The following MXRA7 variants were observed in gnomAD, a reference collection of about 807,000 sequenced individuals.
The protein encoded by MXRA7 is matrix-remodeling-associated protein 7.
MXRA7 carries 18 observed loss-of-function variants against 17.4 expected under a neutral mutation model. That is an observed-to-expected ratio of 1.03 (90% CI 0.71 to 1.53). The LOEUF is 1.53. MXRA7 is among the 40% of genes most tolerant of loss of function. The probability of loss-of-function intolerance (pLI) is 0.00; values close to 1 mark genes in which losing one functional copy is unlikely to be tolerated. For missense variants in MXRA7, 141 were observed against 209.3 expected (o/e 0.67, Z 2.01); for synonymous variants, 70 against 101.7 (o/e 0.69, Z 1.87).
At chr17:76,706,259 A>G (rs2076656143) in intron 1 of MXRA7, among the ~76,000 whole-genome samples, 1 of 130,072 alleles carries the variant, frequency 7.7e-6, no homozygotes, top group African/African-American at 2.8e-5. Flanking sequence ...CTGCCATCAC[A>G]GAGGCCCACG....
At chr17:76,698,460 T>A (rs568037621) in intron 1 of MXRA7, among the ~76,000 whole-genome samples, 12 of 152,248 alleles carry the variant, frequency 7.9e-5, no homozygotes, top group African/African-American at 2.9e-4. Flanking sequence ...TGTTCCTCCA[T>A]ACCCGGCAAA....
intron 1 of MXRA7, among the ~76,000 whole-genome samples, chr17:76,698,847 C>T (rs1236549373): frequency 1.3e-5 from 2 of 150,878 alleles, no homozygotes; most frequent in African/African-American, 4.9e-5. Flanking sequence ...CTCAGCCTCC[C>T]GAGTAGCTGG....
Position 76,688,136 on chromosome 17 carries a change from G to A in MXRA7, c.383C>T (p.Ser128Leu), listed in dbSNP as rs368580327. Residue 128 changes from serine to leucine, a missense_variant, in exon 2 of 4, where the codon TCG (serine) becomes TTG (leucine). Ser to Leu is a moderately radical substitution (Grantham distance 145). Transcript: ENST00000449428. ...ACCGTCCTCCTCCTCAGGCCCTTCC[G>A]ATGATGGCCCCTTCTCACCATCCAA... ...QDLDGEKGPS[S>L]EGPEEEDGEG... 1.8e-5 allele frequency: 29 copies of A among 1,613,844 alleles called. No homozygotes were observed. The South Asian group carries it at 2.2e-4, about 12-fold the overall frequency.
intron 1 of MXRA7, among the ~76,000 whole-genome samples, chr17:76,704,228 C>A (rs2076628247): frequency 1.2e-5 from 1 of 81,100 alleles, no homozygotes; most frequent in Admixed American, 1.8e-4. Context: ...TTTTTTGAGA[C>A]GGAGTCTCAC....
intron 1 of MXRA7, among the ~76,000 whole-genome samples, chr17:76,709,241 T>C (rs549429212): frequency 4.6e-5 from 7 of 152,076 alleles, no homozygotes; most frequent in Non-Finnish European, 1.0e-4. Flanking sequence ...TCTAAAGGCC[T>C]CTCCTGCTCC....
chr17:76,682,121 C>A (rs1371308897), intron 3 of MXRA7, among the ~76,000 whole-genome samples: 1 of 152,214 alleles, frequency 6.6e-6, no homozygotes, highest in Non-Finnish European at 1.5e-5. Context: ...ACCACTTCAG[C>A]ATGTCGGGGA....
rs1040801249 is a variant in MXRA7, at chr17:76,710,811, G to A, written c.136C>T (p.Pro46Ser). ...EPARAPPEPA[P>S]PAEATGAPAP... is the part of the protein sequence containing the mutation. ...GGGGCCCCGGTGGCCTCGGCCGGGG[G>A]CGCGGGTTCCGGGGGCGCGCGGGCA... Residue 46 changes from proline (P) to serine (S), a missense_variant, in exon 1 of 4, where the codon CCC (proline) becomes TCC (serine). Physicochemically the swap from Pro to Ser is moderately conservative, Grantham distance 74 (BLOSUM62 -1). This residue lies in a region of MXRA7 where 72 missense variants were observed against 111.9 expected (regional missense o/e 0.64). Transcript: ENST00000449428. The A allele has an allele frequency of 1.1e-5, 10 of 946,862 alleles. No homozygotes were observed. The highest frequency in any genetic ancestry group is 6.2e-5 in the Admixed American group (1 of 16,186). The allele number at this position is 946,862 out of a possible 1,614,324, so 58.7% of individuals were successfully genotyped here. A position where few individuals can be genotyped will look rare whatever the true frequency, so the allele number is the denominator to read the frequency against.
intron 3 of MXRA7, among the ~76,000 whole-genome samples, chr17:76,682,275 T>G (rs1198709828): frequency 2.0e-5 from 3 of 152,090 alleles, no homozygotes; most frequent in Non-Finnish European, 2.9e-5. Flanking sequence ...CTAGTAAATT[T>G]AAAGTTAGGG....
At chr17:76,704,992 A>C in intron 1 of MXRA7, among the ~76,000 whole-genome samples, 1 of 152,114 alleles carries the variant, frequency 6.6e-6, no homozygotes, top group East Asian at 1.9e-4. Flanking sequence ...CAGAGGCCCA[A>C]GCTGGTCTCC....
intron 1 of MXRA7, chr17:76,690,187 T>C (rs753641931): frequency 6.6e-6 from 1 of 152,084 alleles, no homozygotes; most frequent in Non-Finnish European, 1.5e-5. Context: ...AAAGGTTTGT[T>C]TTTTGGAAGG....
chr17:76,690,749 C>T (rs567837496), intron 1 of MXRA7, among the ~76,000 whole-genome samples: 67 of 152,100 alleles, frequency 4.4e-4, no homozygotes, highest in African/African-American at 1.6e-3. Flanking sequence ...GCTCTGTTGC[C>T]CAGACTGGAG....
intron 1 of MXRA7, among the ~76,000 whole-genome samples, 182 bp downstream of exon 1, chr17:76,710,423 G>C (rs1464627354): frequency 6.6e-6 from 1 of 152,198 alleles, no homozygotes; most frequent in African/African-American, 2.4e-5. Flanking sequence ...GGAGGGCGGC[G>C]AGTTTGCGGG....
intron 1 of MXRA7, among the ~76,000 whole-genome samples, chr17:76,708,400 G>T (rs2076684943): frequency 6.6e-6 from 1 of 152,156 alleles, no homozygotes; most frequent in African/African-American, 2.4e-5. Context: ...CGCTGTTGGT[G>T]GGGTTCGCTT....
At position 76,705,847 on chromosome 17, in the gene MXRA7, T is replaced by G. The variant is rs186145872; in HGVS notation, c.342+4758A>C. 6.6e-3 allele frequency among the ~76,000 whole-genome samples: 998 copies of G among 152,348 alleles called. 12 individuals are homozygous for G. The highest frequency in any genetic ancestry group is 0.022 in the African/African-American group (917 of 41,576). On this transcript the variant is annotated intron_variant, in intron 1 of 3. Transcript: ENST00000449428. Reference sequence around the variant, plus strand: ...GTTTAAGCAACCCAGTCTGTGGTATTTTGATATATCAGCCTAAGCTGCTTA... The same window carrying G: ...GTTTAAGCAACCCAGTCTGTGGTATGTTGATATATCAGCCTAAGCTGCTTA...
Position 76,680,396 on chromosome 17 carries a change from G to A in MXRA7, c.*471C>T, listed in dbSNP as rs1156626870. The A allele has an allele frequency of 7.1e-6, 7 of 985,800 alleles. No homozygotes were observed. The highest frequency in any genetic ancestry group is 1.2e-4 in the Admixed American group (2 of 16,272). The allele number at this position is 985,800 out of a possible 1,614,324, so 61.1% of individuals were successfully genotyped here. A position where few individuals can be genotyped will look rare whatever the true frequency, so the allele number is the denominator to read the frequency against. On this transcript the variant is annotated 3_prime_UTR_variant, in exon 4 of 4. Coordinates refer to ENST00000449428, the MANE Select transcript of MXRA7 (RefSeq NM_198530.4). Reference sequence around the variant, plus strand: ...AAAGGGGTCGGCTGACCACCCTGACGGAGCTGGTGAGCACAGGTGAGCTCT... The same window carrying A: ...AAAGGGGTCGGCTGACCACCCTGACAGAGCTGGTGAGCACAGGTGAGCTCT...
chr17:76,688,000 C>A, intron 2 of MXRA7, 113 bp downstream of exon 2: 3 of 726,246 alleles, frequency 4.1e-6, no homozygotes, highest in South Asian at 1.6e-5. Context: ...AGGCCACTGT[C>A]CCACCCCATC....
intron 1 of MXRA7, chr17:76,688,730 C>G (rs1049086843): frequency 5.8e-6 from 7 of 1,199,334 alleles, no homozygotes; most frequent in Non-Finnish European, 7.3e-6. Context: ...AGGAATGGCC[C>G]GGGATGGCCT....
chr17:76,699,734 C>A (rs1279884039), intron 1 of MXRA7, among the ~76,000 whole-genome samples: 3 of 152,174 alleles, frequency 2.0e-5, no homozygotes, highest in Non-Finnish European at 1.5e-5. Flanking sequence ...TCTGCACACA[C>A]CCCTCTCCTT....
chr17:76,693,940 C>T (rs1435736395), intron 1 of MXRA7, among the ~76,000 whole-genome samples: 4 of 152,226 alleles, frequency 2.6e-5, no homozygotes, highest in Non-Finnish European at 4.4e-5. Flanking sequence ...CTTATTGTGA[C>T]ACCTAATTAA....
Sources: gnomAD v4.1 joint callset for allele counts (sites outside exome capture counted in the v4.1 genomes callset) on GRCh38, gnomAD v4.1.1 for gene constraint, gnomAD v4.1.1 regional missense constraint, MANE v1.5 for transcripts, NCBI Gene and HGNC (gene_info 2026-07-23, HGNC 2026-07-21) for gene names.